The following KDM2B variants were observed in gnomAD, a reference collection of about 807,000 sequenced individuals.
KDM2B encodes the protein lysine-specific demethylase 2B.
A neutral mutation model predicts 150.0 loss-of-function variants in KDM2B; 26 were observed. That is an observed-to-expected ratio of 0.17 (90% CI 0.13 to 0.24). The LOEUF (loss-of-function observed/expected upper bound fraction) is 0.24. KDM2B is among the 10% of genes least tolerant of loss of function. KDM2B has a pLI of 1.00. For missense variants in KDM2B, 1,265 were observed against 1,816.9 expected, an observed-to-expected ratio of 0.70 and a Z score of 5.52; for synonymous variants, 734 against 729.5, an observed-to-expected ratio of 1.01 and a Z score of -0.10.
intron 9 of KDM2B, among the ~76,000 whole-genome samples, chr12:121,514,030 T>C (rs1451939801): frequency 6.6e-6 from 1 of 152,058 alleles, no homozygotes; most frequent in African/African-American, 2.4e-5. Flanking sequence ...CTGCCCAGCC[T>C]GCAAGGCCAC....
At chr12:121,516,381 T>C (rs1594022446) in intron 9 of KDM2B, 2 of 806,076 alleles carry the variant, frequency 2.5e-6, no homozygotes, top group Non-Finnish European at 1.8e-6. Context: ...CAAATGCTGA[T>C]GAAGGAATTC....
intron 22 of KDM2B, among the ~76,000 whole-genome samples, chr12:121,433,831 C>A (rs1424836377): frequency 6.6e-6 from 1 of 152,072 alleles, no homozygotes; most frequent in African/African-American, 2.4e-5. Context: ...ACCACTTGAA[C>A]CCAGGAGTAT....
At chr12:121,466,693 C>T (rs191333803) in intron 12 of KDM2B, among the ~76,000 whole-genome samples, 3,340 of 150,764 alleles carry the variant, frequency 0.022, 128 homozygotes, top group African/African-American at 0.077. Flanking sequence ...AGCCCCGAAG[C>T]CGAGGGTCCT....
chr12:121,580,745 C>A, intron 1 of KDM2B, 41 bp downstream of exon 1: 1 of 1,609,400 alleles, frequency 6.2e-7, no homozygotes. Context: ...CCAGGGCTAC[C>A]CCTCTTCCTC....
At chr12:121,501,787 A>AT (rs368930487) in intron 11 of KDM2B, among the ~76,000 whole-genome samples, 2 of 151,758 alleles carry the variant, frequency 1.3e-5, no homozygotes, top group South Asian at 4.2e-4. Context: ...TGCCCTGCTA[A>AT]TTTTTTTGTA....
At chr12:121,570,391 C>T (rs1705565261) in intron 4 of KDM2B, among the ~76,000 whole-genome samples, 1 of 151,890 alleles carries the variant, frequency 6.6e-6, no homozygotes, top group Admixed American at 6.6e-5. Context: ...TTGCCATGCT[C>T]CCCAGGCTGG....
chr12:121,517,636 T>C (rs1392203708), intron 9 of KDM2B, among the ~76,000 whole-genome samples: 2 of 151,536 alleles, frequency 1.3e-5, no homozygotes, highest in Non-Finnish European at 2.9e-5. Flanking sequence ...GCCTGGCTAA[T>C]TTTTGTATTT....
chr12:121,479,791 T>G (rs1555297537), intron 12 of KDM2B, among the ~76,000 whole-genome samples: 1 of 149,064 alleles, frequency 6.7e-6, no homozygotes, highest in African/African-American at 2.5e-5. Flanking sequence ...CCAGCTAATT[T>G]TTGTATTTTT....
In KDM2B at chr12:121,537,890, G is replaced by C. The variant is rs1888279707; in HGVS notation, c.684-3300C>G. Among the ~76,000 whole-genome samples the C allele has an allele frequency of 6.6e-6, 1 of 151,388 alleles. No individual in the cohort carries two copies. Among genetic ancestry groups the C allele is most frequent in the Non-Finnish European group, 1.5e-5 (1 of 67,816 alleles). ...CAGCGCCACAAAGGAGGGGGCGCCC[G>C]GGCAGCGCGGCCCGCGGTTACCCTC... On this transcript the variant is annotated intron_variant, in intron 6 of 22. Coordinates refer to ENST00000377071, the MANE Select transcript of KDM2B (RefSeq NM_032590.5). This position sits in a 1 kb window ranked among gnomAD's most constrained non-coding sequence, Gnocchi z 8.7.
chr12:121,410,111 G>T, the KDM2B span, among the ~76,000 whole-genome samples: 1 of 151,872 alleles, frequency 6.6e-6, no homozygotes, highest in Non-Finnish European at 1.5e-5. Flanking sequence ...CCAAGATCGT[G>T]CCATCGCACT....
Position 121,442,503 on chromosome 12 carries a change from C to G in KDM2B, c.2938G>C (p.Glu980Gln), listed in dbSNP as rs782032390. The G allele has an allele frequency of 3.1e-6, 5 of 1,599,558 alleles. No homozygotes were observed. The Admixed American group carries it at 8.3e-5, about 27-fold the overall frequency. ...GGGGGCCGCTTGGGCTCCTCGCCCT[C>G]GCTCTCAGGCTCCGACTTGATGGGC... ...QQPIKSEPESEGEEPKRPPGI... is the reference protein window; with the variant it reads ...QQPIKSEPESQGEEPKRPPGI... The change falls in exon 19 of 23, where the codon GAG becomes CAG. Residue 980 changes from glutamate (E) to glutamine (Q), a missense_variant. Glu to Gln is a conservative substitution (Grantham distance 29). Coordinates refer to ENST00000377071, the MANE Select transcript of KDM2B (RefSeq NM_032590.5). This position sits in a 1 kb window ranked among gnomAD's most constrained non-coding sequence, Gnocchi z 7.7.
intron 8 of KDM2B, among the ~76,000 whole-genome samples, chr12:121,523,129 G>C (rs1336960486): frequency 1.3e-5 from 2 of 152,244 alleles, no homozygotes; most frequent in Non-Finnish European, 2.9e-5. Flanking sequence ...GGGCACAAAG[G>C]GGGAAGCCAC....
chr12:121,475,373 G>C (rs1881251679), intron 12 of KDM2B, among the ~76,000 whole-genome samples: 1 of 152,160 alleles, frequency 6.6e-6, no homozygotes, highest in Non-Finnish European at 1.5e-5. Flanking sequence ...AGGATCACTT[G>C]AGCCCAGAGA....
At chr12:121,414,327 G>T in the KDM2B span, among the ~76,000 whole-genome samples, 1 of 152,090 alleles carries the variant, frequency 6.6e-6, no homozygotes, top group Admixed American at 6.5e-5. Flanking sequence ...AAGCCTATTC[G>T]TTCTAAACAC....
intron 11 of KDM2B, among the ~76,000 whole-genome samples, chr12:121,505,285 CAA>C (rs34080184): frequency 6.4e-4 from 54 of 84,324 alleles, no homozygotes; most frequent in East Asian, 1.2e-3. Context: ...GATTGCATCT[CAA>C]AAAAAAAAAA....
the KDM2B span, among the ~76,000 whole-genome samples, chr12:121,422,763 C>A: frequency 6.6e-6 from 1 of 152,178 alleles, no homozygotes; most frequent in Non-Finnish European, 1.5e-5. Context: ...TTCTTATTCA[C>A]AGACTGGATT....
intron 11 of KDM2B, 90 bp downstream of exon 11, chr12:121,509,477 G>C: frequency 6.5e-7 from 1 of 1,538,960 alleles, no homozygotes; most frequent in Non-Finnish European, 8.7e-7. Context: ...TCTGCACAGA[G>C]CCATCGTGAG....
chr12:121,432,256 C>CT (rs1873176043), intron 22 of KDM2B, among the ~76,000 whole-genome samples: 1 of 152,076 alleles, frequency 6.6e-6, no homozygotes, highest in Non-Finnish European at 1.5e-5. Context: ...AAATGGCTGA[C>CT]CCTCTTCATA....
At chr12:121,476,665 G>T (rs1881421478) in intron 12 of KDM2B, among the ~76,000 whole-genome samples, 1 of 152,092 alleles carries the variant, frequency 6.6e-6, no homozygotes, top group Non-Finnish European at 1.5e-5. Context: ...TCACTGTGGG[G>T]GTCTGATGGG....
Sources: allele counts gnomAD v4.1 joint callset (sites outside exome capture counted in the v4.1 genomes callset), GRCh38; gene constraint gnomAD v4.1.1; non-coding constraint Gnocchi (gnomAD v3.1); transcripts MANE v1.5; gene names NCBI Gene and HGNC (gene_info 2026-07-23, HGNC 2026-07-21).